The following IL34 variants were observed in gnomAD, a reference collection of about 807,000 sequenced individuals.
IL34 encodes interleukin 34, also known as interleukin-34.
A neutral mutation model predicts 25.3 loss-of-function variants in IL34; 17 were observed. The observed-to-expected ratio is 0.67, with a 90% CI of 0.46 to 1.01. IL34 has a LOEUF of 1.01. IL34 is among the 50% of genes least tolerant of loss of function. The pLI is 0.00. For missense variants in IL34, 368 were observed against 312.9 expected, an observed-to-expected ratio of 1.18 and a Z score of -1.33; for synonymous variants, 174 against 140.9, an observed-to-expected ratio of 1.23 and a Z score of -1.66.
intron 1 of IL34, among the ~76,000 whole-genome samples, chr16:70,638,460 AAAAAG>A (rs936589819): frequency 2.0e-5 from 3 of 152,118 alleles, no homozygotes; most frequent in African/African-American, 4.8e-5. Flanking sequence ...GAAAAAAGAA[AAAAAG>A]AAAAGAACTG....
At chr16:70,593,613 C>T (rs2151810343) in intron 1 of IL34, among the ~76,000 whole-genome samples, 1 of 152,170 alleles carries the variant, frequency 6.6e-6, no homozygotes, top group South Asian at 2.1e-4. Context: ...GAACTCTGGG[C>T]TCAAGTGATC....
At chr16:70,626,521 C>T (rs8049495) in intron 1 of IL34, among the ~76,000 whole-genome samples, 8 of 152,184 alleles carry the variant, frequency 5.3e-5, no homozygotes, top group Admixed American at 2.6e-4. Flanking sequence ...CTCAGCCTCC[C>T]GAGTAGCTGG....
intron 1 of IL34, among the ~76,000 whole-genome samples, chr16:70,587,266 G>A (rs1001731778): frequency 1.3e-5 from 2 of 151,862 alleles, no homozygotes; most frequent in East Asian, 1.9e-4. Flanking sequence ...CGCAGACAGC[G>A]CTGAGTTTTG....
chr16:70,613,584 C>T (rs934627342), intron 1 of IL34, among the ~76,000 whole-genome samples: 5 of 152,146 alleles, frequency 3.3e-5, no homozygotes, highest in African/African-American at 1.2e-4. Context: ...GTCAGAAATG[C>T]AGAGTCCAGC....
chr16:70,658,822 C>A (rs973398565), intron 4 of IL34, among the ~76,000 whole-genome samples: 1 of 152,180 alleles, frequency 6.6e-6, no homozygotes, highest in African/African-American at 2.4e-5. Flanking sequence ...TCACCTTTCT[C>A]TTACAAGGAC....
intron 1 of IL34, among the ~76,000 whole-genome samples, chr16:70,591,531 T>G (rs1307069717): frequency 1.3e-5 from 2 of 150,446 alleles, no homozygotes; most frequent in Non-Finnish European, 3.0e-5. Flanking sequence ...ATCACACCAT[T>G]GTACTCCAGC....
chr16:70,655,085 G>C (rs1422429502), intron 2 of IL34, among the ~76,000 whole-genome samples: 15 of 150,220 alleles, frequency 1.0e-4, no homozygotes, highest in Non-Finnish European at 2.2e-4. Flanking sequence ...ACGGAGTCTT[G>C]GTCTGTCACC....
intron 4 of IL34, among the ~76,000 whole-genome samples, chr16:70,658,820 C>G (rs2052303486): frequency 6.6e-6 from 1 of 152,216 alleles, no homozygotes; most frequent in Admixed American, 6.5e-5. Flanking sequence ...TGTCACCTTT[C>G]TCTTACAAGG....
At chr16:70,638,145 C>T (rs1157205619) in intron 1 of IL34, among the ~76,000 whole-genome samples, 2 of 152,142 alleles carry the variant, frequency 1.3e-5, no homozygotes, top group African/African-American at 2.4e-5. Flanking sequence ...TTGAATTAGC[C>T]CTGCTTCCAA....
At chr16:70,651,014 G>C (rs1432985895) in intron 1 of IL34, among the ~76,000 whole-genome samples, 1 of 152,182 alleles carries the variant, frequency 6.6e-6, no homozygotes, top group African/African-American at 2.4e-5. Context: ...TTCAAGACCA[G>C]CCTGGCCAAC....
intron 1 of IL34, among the ~76,000 whole-genome samples, chr16:70,638,964 A>G (rs1240314729): frequency 6.6e-6 from 1 of 152,210 alleles, no homozygotes; most frequent in South Asian, 2.1e-4. Context: ...ATGTAGGTAG[A>G]TCTGGTTCAG....
chr16:70,659,791 G>C (rs1234820018), intron 5 of IL34, 38 bp downstream of exon 5: 22 of 1,575,026 alleles, frequency 1.4e-5, no homozygotes, highest in Non-Finnish European at 1.8e-5. Context: ...GGGGGTGGGA[G>C]GCCAGGCATC....
chr16:70,648,810 G>C lies in IL34; in HGVS notation c.28+1835G>C, dbSNP rs78599316. 3.3e-5 allele frequency among the ~76,000 whole-genome samples: 5 copies of C among 152,264 alleles called. No homozygotes were observed. The East Asian group carries it at 9.7e-4, about 29-fold the overall frequency. On this transcript the variant is annotated intron_variant, in intron 1 of 5. Transcript: ENST00000288098. The stretch of plus-strand genomic sequence containing the variant: ...GAATGTGTCGTCTCACAGTTCTGGA[G>C]ACCGGAAGTGTGAGATCAGGGTGCC...
chr16:70,635,431 A>G (rs2051619276), intron 1 of IL34, among the ~76,000 whole-genome samples: 1 of 152,302 alleles, frequency 6.6e-6, no homozygotes, highest in South Asian at 2.1e-4. Flanking sequence ...GGCCTGTTGG[A>G]GGCCCTTTGT....
At chr16:70,644,221 C>T (rs770645665), upstream of IL34, among the ~76,000 whole-genome samples, 35 of 152,284 alleles carry the variant, frequency 2.3e-4, no homozygotes, top group Admixed American at 4.6e-4. Flanking sequence ...ATGGACAACT[C>T]TGTGGAAATA....
chr16:70,590,443 T>C (rs560540760), intron 1 of IL34, among the ~76,000 whole-genome samples: 1 of 152,222 alleles, frequency 6.6e-6, no homozygotes, highest in Admixed American at 6.5e-5. Flanking sequence ...GCCAAGGCTG[T>C]GTACCTCCGA....
chr16:70,602,583 ATGTGTGTGTGTGTGTGTGTGTGTG>A, intron 1 of IL34, among the ~76,000 whole-genome samples: 1 of 135,052 alleles, frequency 7.4e-6, no homozygotes, highest in African/African-American at 2.8e-5. Flanking sequence ...TTTGGAATTG[ATGTGTGTGTGTGTGTGTGTGTGTG>A]TGTGTGTGTG....
At chr16:70,592,360 G>A (rs1252984169) in intron 1 of IL34, among the ~76,000 whole-genome samples, 1 of 152,068 alleles carries the variant, frequency 6.6e-6, no homozygotes, top group Non-Finnish European at 1.5e-5. Context: ...CTCCTGAGGT[G>A]TAATAGAAGG....
chr16:70,617,492 G>A (rs1231589556), intron 1 of IL34, among the ~76,000 whole-genome samples: 1 of 152,082 alleles, frequency 6.6e-6, no homozygotes. Flanking sequence ...AGTTTTTTTG[G>A]GGCACAGTCT....
Sources: gnomAD v4.1 joint callset for allele counts (sites outside exome capture counted in the v4.1 genomes callset) on GRCh38, gnomAD v4.1.1 for gene constraint, MANE v1.5 for transcripts, NCBI Gene and HGNC (gene_info 2026-07-23, HGNC 2026-07-21) for gene names.